Variants in SYT16 observed in about 807,000 individuals in gnomAD.
The protein encoded by SYT16 is synaptotagmin-16.
SYT16 carries 42 observed loss-of-function variants against 61.4 expected under a neutral mutation model. The observed-to-expected ratio is 0.68, with a 90% CI of 0.53 to 0.89. The LOEUF (loss-of-function observed/expected upper bound fraction) is 0.89, where lower values mean the gene tolerates loss of function less well. Among genes scored for constraint, SYT16 ranks in the 40% least tolerant of loss-of-function variants. SYT16 has a pLI of 0.00. For missense variants in SYT16, 804 were observed against 807.3 expected, an observed-to-expected ratio of 1.00 and a Z score of 0.05; for synonymous variants, 314 against 302.3, an observed-to-expected ratio of 1.04 and a Z score of -0.40.
At position 61,903,917 on chromosome 14, in the gene SYT16, A is replaced by G. The variant is rs546311223; in HGVS notation, c.-324-66215A>G. ...TTGGTTTTCTTGCCTGTAGATCAGC[A>G]TCCTGCTGAAGACTTTGTGGGTTTC... On this transcript the variant is annotated intron_variant, in intron 1 of 7. Transcript: ENST00000683842. Among the ~76,000 whole-genome samples, 10 of 152,358 alleles carry G rather than the reference A, an allele frequency of 6.6e-5. 1 individual carries two copies. The South Asian group carries it at 2.1e-3, about 32-fold the overall frequency.
At chr14:61,887,062 T>C (rs1345430924) in intron 1 of SYT16, among the ~76,000 whole-genome samples, 3 of 152,178 alleles carry the variant, frequency 2.0e-5, no homozygotes, top group Admixed American at 6.5e-5. Flanking sequence ...TCTTAAATAA[T>C]AATACTTGAA....
At chr14:61,933,790 A>G (rs1264378540) in intron 1 of SYT16, among the ~76,000 whole-genome samples, 1 of 152,258 alleles carries the variant, frequency 6.6e-6, no homozygotes, top group East Asian at 1.9e-4. Context: ...TTACAAAATA[A>G]GCTATTTTCT....
At chr14:61,909,748 G>T (rs772953890) in intron 1 of SYT16, among the ~76,000 whole-genome samples, 4 of 152,182 alleles carry the variant, frequency 2.6e-5, no homozygotes, top group African/African-American at 4.8e-5. Flanking sequence ...GAAGCAAATT[G>T]TATGTAATAT....
intron 1 of SYT16, among the ~76,000 whole-genome samples, chr14:61,945,127 TGAAA>T (rs985624622): frequency 4.6e-5 from 7 of 152,300 alleles, no homozygotes; most frequent in African/African-American, 1.7e-4. Context: ...AGCAGACATA[TGAAA>T]GAAAGCTCAT....
At chr14:61,987,390 C>G (rs2052359719) in intron 2 of SYT16, among the ~76,000 whole-genome samples, 1 of 152,108 alleles carries the variant, frequency 6.6e-6, no homozygotes, top group Admixed American at 6.6e-5. Flanking sequence ...ATGACGTGAT[C>G]AAATATGCAC....
intron 1 of SYT16, among the ~76,000 whole-genome samples, chr14:61,844,462 C>T (rs1404478399): frequency 1.3e-5 from 2 of 152,044 alleles, no homozygotes; most frequent in Non-Finnish European, 2.9e-5. Context: ...CATTGTGTTC[C>T]AAATCTTACA....
chr14:61,983,207 A>G (rs748752664), intron 2 of SYT16, among the ~76,000 whole-genome samples: 1 of 152,148 alleles, frequency 6.6e-6, no homozygotes, highest in Non-Finnish European at 1.5e-5. Context: ...TTAAAATTTC[A>G]TTATTTTTCT....
At chr14:62,065,343 A>G (rs540227267) in intron 3 of SYT16, among the ~76,000 whole-genome samples, 1 of 152,298 alleles carries the variant, frequency 6.6e-6, no homozygotes, top group Non-Finnish European at 1.5e-5. Flanking sequence ...GTTTCTATCT[A>G]TATAATCAGA....
At chr14:61,994,909 A>T (rs1461690567) in intron 2 of SYT16, among the ~76,000 whole-genome samples, 1 of 152,184 alleles carries the variant, frequency 6.6e-6, no homozygotes, top group Admixed American at 6.6e-5. Flanking sequence ...AGACTAAGGG[A>T]TAGCTAGTAG....
At chr14:62,009,552 T>G (rs528417156) in intron 3 of SYT16, among the ~76,000 whole-genome samples, 55 of 152,282 alleles carry the variant, frequency 3.6e-4, no homozygotes, top group Middle Eastern at 3.4e-3. Context: ...AGATTCTGCT[T>G]TGGATGTTGG....
intron 1 of SYT16, among the ~76,000 whole-genome samples, chr14:61,950,732 A>G (rs747196254): frequency 5.9e-5 from 9 of 152,238 alleles, no homozygotes; most frequent in Non-Finnish European, 1.3e-4. Context: ...GGAAAATAAT[A>G]GCTTACTCCA....
chr14:61,991,966 ATTCAT>A (rs539973572), intron 2 of SYT16, among the ~76,000 whole-genome samples: 23 of 151,410 alleles, frequency 1.5e-4, no homozygotes, highest in African/African-American at 5.6e-4. Context: ...TCATTCATTC[ATTCAT>A]TCATTCATTC....
intron 1 of SYT16, among the ~76,000 whole-genome samples, chr14:61,967,310 G>C (rs1236314267): frequency 1.3e-5 from 2 of 152,176 alleles, no homozygotes; most frequent in Non-Finnish European, 2.9e-5. Flanking sequence ...AGGGAATTCA[G>C]ATTTTGTCCT....
chr14:61,983,623 T>C (rs2052179545), intron 2 of SYT16, among the ~76,000 whole-genome samples: 2 of 152,122 alleles, frequency 1.3e-5, no homozygotes, highest in Non-Finnish European at 2.9e-5. Context: ...CTTATTGGGC[T>C]CAAGCAATCC....
At chr14:62,088,777 G>C (rs1018173066) in intron 7 of SYT16, among the ~76,000 whole-genome samples, 2 of 152,018 alleles carry the variant, frequency 1.3e-5, no homozygotes, top group Non-Finnish European at 2.9e-5. Context: ...AAAACTTAAG[G>C]TGGTGGGTAT....
chr14:61,876,157 T>C (rs1397328777), intron 1 of SYT16, among the ~76,000 whole-genome samples: 8 of 152,208 alleles, frequency 5.3e-5, no homozygotes, highest in Non-Finnish European at 1.5e-5. Context: ...GAATTTATGA[T>C]GCAGGTTGAT....
At chr14:62,003,230 C>T (rs1349287453) in intron 3 of SYT16, among the ~76,000 whole-genome samples, 2 of 151,946 alleles carry the variant, frequency 1.3e-5, no homozygotes, top group Non-Finnish European at 2.9e-5. Flanking sequence ...AGCCATTGTT[C>T]CCCTTCCTCA....
intron 3 of SYT16, among the ~76,000 whole-genome samples, chr14:62,045,426 T>C (rs1247963793): frequency 1.3e-5 from 2 of 152,166 alleles, no homozygotes; most frequent in East Asian, 3.9e-4. Flanking sequence ...GTTGTTGGTC[T>C]GTATGTTTTG....
Position 62,079,314 on chromosome 14 carries a change from T to A in SYT16, c.994-1520T>A, listed in dbSNP as rs1004622481. 3 of 1,137,844 alleles carry A rather than the reference T, an allele frequency of 2.6e-6. No homozygotes were observed. The Admixed American group carries it at 9.8e-5, about 37-fold the overall frequency. The allele number at this position is 1,137,844 out of a possible 1,614,324, so 70.5% of individuals were successfully genotyped here. On this transcript the variant is annotated intron_variant, in intron 5 of 7. Coordinates refer to ENST00000683842, the MANE Select transcript of SYT16 (RefSeq NM_001367656.1). ...AGGATATAAGAAGCTTCACTTATTT[T>A]ACAAGAAATCTAAATTTTCTTGCAG... is the stretch of plus-strand genomic sequence containing the variant.
Sources: allele counts gnomAD v4.1 joint callset (sites outside exome capture counted in the v4.1 genomes callset), GRCh38; gene constraint gnomAD v4.1.1; transcripts MANE v1.5; gene names NCBI Gene and HGNC (gene_info 2026-07-23, HGNC 2026-07-21).